Variants in TENM2 observed in about 807,000 individuals in gnomAD.
The protein encoded by TENM2 is teneurin-2.
A neutral mutation model predicts 245.2 loss-of-function variants in TENM2; 52 were observed. The ratio of observed to expected loss-of-function variants is 0.21; its 90% CI spans 0.17 to 0.27. The LOEUF (loss-of-function observed/expected upper bound fraction) is 0.27. Among genes scored for constraint, TENM2 ranks in the 10% least tolerant of loss-of-function variants. TENM2 has a pLI of 1.00. For missense variants in TENM2, 3,046 were observed against 3,666.8 expected, an observed-to-expected ratio of 0.83 and a Z score of 4.37; for synonymous variants, 1,363 against 1,438.9, an observed-to-expected ratio of 0.95 and a Z score of 1.19.
chr5:168,238,947 G>A (rs1276271214), intron 25 of TENM2, among the ~76,000 whole-genome samples: 1 of 152,184 alleles, frequency 6.6e-6, no homozygotes, highest in Non-Finnish European at 1.5e-5. Flanking sequence ...TTCCTACCAA[G>A]CCGACTGGGA....
At chr5:167,523,283 C>T (rs530898345) in intron 2 of TENM2, among the ~76,000 whole-genome samples, 6 of 152,254 alleles carry the variant, frequency 3.9e-5, no homozygotes, top group African/African-American at 7.2e-5. Context: ...GAGGCCACCC[C>T]AGTTAGCCCA....
intron 2 of TENM2, among the ~76,000 whole-genome samples, chr5:167,742,007 C>G (rs1181310903): frequency 6.6e-6 from 1 of 152,166 alleles, no homozygotes; most frequent in Non-Finnish European, 1.5e-5. Context: ...TATCAAGTCC[C>G]TCTTTCTTCA....
intron 1 of TENM2, among the ~76,000 whole-genome samples, chr5:167,320,251 T>C (rs1756627982): frequency 6.6e-6 from 1 of 152,228 alleles, no homozygotes; most frequent in Non-Finnish European, 1.5e-5. Flanking sequence ...ATTTGTTTAA[T>C]GGATTGGCAT....
intron 2 of TENM2, among the ~76,000 whole-genome samples, chr5:167,498,772 T>A (rs1368841338): frequency 6.6e-6 from 1 of 152,150 alleles, no homozygotes. Flanking sequence ...ATTTTTAAAA[T>A]TTTATTTCAA....
At chr5:167,213,531 C>T in the TENM2 span, among the ~76,000 whole-genome samples, 3 of 152,072 alleles carry the variant, frequency 2.0e-5, no homozygotes, top group South Asian at 2.1e-4. Flanking sequence ...GAGGTTTCAA[C>T]GTATGAAGGC....
intron 2 of TENM2, among the ~76,000 whole-genome samples, chr5:167,476,743 C>A (rs983292216): frequency 1.3e-5 from 2 of 152,082 alleles, no homozygotes; most frequent in Admixed American, 6.6e-5. Context: ...GGATTACAGG[C>A]ACCTGCTGTC....
intron 27 of TENM2, among the ~76,000 whole-genome samples, chr5:168,253,900 A>G (rs1767396346): frequency 6.6e-6 from 1 of 152,244 alleles, no homozygotes; most frequent in Non-Finnish European, 1.5e-5. Flanking sequence ...AGCCCCAGAT[A>G]AAATTTGAGT....
chr5:167,227,054 A>T, the TENM2 span, among the ~76,000 whole-genome samples: 4 of 120,332 alleles, frequency 3.3e-5, no homozygotes, highest in Admixed American at 8.5e-5. Context: ...TGCATTGAAT[A>T]TCTTTTTCCA....
At chr5:167,377,196 A>G (rs1029981461) in intron 2 of TENM2, among the ~76,000 whole-genome samples, 3 of 152,194 alleles carry the variant, frequency 2.0e-5, no homozygotes, top group African/African-American at 7.2e-5. Flanking sequence ...TATATTTGGT[A>G]GACCAATAGT....
intron 9 of TENM2, among the ~76,000 whole-genome samples, chr5:168,112,507 G>T (rs1407714111): frequency 6.7e-6 from 1 of 150,000 alleles, no homozygotes; most frequent in Non-Finnish European, 1.5e-5. Flanking sequence ...TAAGGATAAT[G>T]GCCTCCAGCT....
chr5:167,425,779 G>A (rs1763778253), intron 2 of TENM2, among the ~76,000 whole-genome samples: 1 of 151,610 alleles, frequency 6.6e-6, no homozygotes, highest in Non-Finnish European at 1.5e-5. Context: ...GATGATGATG[G>A]TGAAGATGAT....
intron 1 of TENM2, among the ~76,000 whole-genome samples, chr5:167,289,489 A>G (rs953618190): frequency 3.3e-5 from 5 of 152,202 alleles, no homozygotes; most frequent in African/African-American, 1.2e-4. Flanking sequence ...AATTTTTGAA[A>G]GTATGCTTGC....
intron 2 of TENM2, among the ~76,000 whole-genome samples, chr5:167,446,700 G>T (rs869039876): frequency 4.6e-3 from 3 of 646 alleles, no homozygotes; most frequent in African/African-American, 1.8e-3. Flanking sequence ...CAACTTTTTT[G>T]GGGGGGGGGA....
chr5:167,509,900 T>TGGTG (rs1769815899), intron 2 of TENM2, among the ~76,000 whole-genome samples: 1 of 152,192 alleles, frequency 6.6e-6, no homozygotes, highest in Admixed American at 6.5e-5. Context: ...CAAGCCCATA[T>TGGTG]GGTGGGGATA....
chr5:168,140,733 G>A (rs1168673851), intron 12 of TENM2, among the ~76,000 whole-genome samples: 5 of 152,228 alleles, frequency 3.3e-5, no homozygotes, highest in Non-Finnish European at 7.4e-5. Context: ...TTTTGCTAAC[G>A]GTGCCTAATA....
Position 168,244,379 on chromosome 5 carries a change from T to C in TENM2, c.5521-41T>C. On this transcript the variant is annotated intron_variant, in intron 25 of 28. Coordinates refer to ENST00000518659, the Ensembl canonical transcript of TENM2. The surrounding 1 kb of genome is among the most constrained non-coding windows in gnomAD (Gnocchi z 4.9). ...CCACAGAAGCCTGAGCCGGCATGCC[T>C]GGGTGATGTCTTTCAAACAAGGCCT... 2 of 1,449,804 alleles carry C rather than the reference T, an allele frequency of 1.4e-6. No individual in the cohort carries two copies. Among genetic ancestry groups the C allele is most frequent in the South Asian group, 1.5e-5 (1 of 65,436 alleles). 89.8% of individuals were successfully genotyped at this position (1,449,804 alleles called of 1,614,324 possible). A position where few individuals can be genotyped will look rare whatever the true frequency, so the allele number is the denominator to read the frequency against.
At chr5:166,987,461 C>G in the TENM2 span, among the ~76,000 whole-genome samples, 5 of 150,470 alleles carry the variant, frequency 3.3e-5, no homozygotes, top group Admixed American at 2.7e-4. Context: ...GTTTAGAACT[C>G]CAAATGTATT....
At chr5:167,286,971 T>C (rs895569087) in intron 1 of TENM2, among the ~76,000 whole-genome samples, 2 of 152,258 alleles carry the variant, frequency 1.3e-5, no homozygotes, top group Non-Finnish European at 2.9e-5. Flanking sequence ...AATTCACACA[T>C]GCCGCATGTT....
At chr5:167,698,664 T>G (rs914555891) in intron 2 of TENM2, among the ~76,000 whole-genome samples, 4 of 145,984 alleles carry the variant, frequency 2.7e-5, no homozygotes, top group African/African-American at 1.0e-4. Context: ...GTGTGTGTGT[T>G]TTGTTTTGTT....
Sources: gnomAD v4.1 joint callset for allele counts (sites outside exome capture counted in the v4.1 genomes callset) on GRCh38, gnomAD v4.1.1 for gene constraint, Gnocchi (gnomAD v3.1) non-coding constraint, MANE v1.5 for transcripts, NCBI Gene and HGNC (gene_info 2026-07-23, HGNC 2026-07-21) for gene names.